The following RGS7 variants were observed in gnomAD, a reference collection of about 807,000 sequenced individuals.
RGS7 encodes the protein regulator of G-protein signaling 7.
In RGS7, 27 loss-of-function variants were observed where a neutral mutation model predicts 81.1. The observed-to-expected ratio is 0.33, with a 90% CI of 0.25 to 0.46. The LOEUF (loss-of-function observed/expected upper bound fraction) is 0.46, where lower values mean the gene tolerates loss of function less well. RGS7 is among the 20% of genes least tolerant of loss of function. RGS7 has a pLI of 1.00. For synonymous variants in RGS7, 208 were observed against 207.7 expected, an observed-to-expected ratio of 1.00 and a Z score of -0.01; for missense variants, 396 against 607.4, an observed-to-expected ratio of 0.65 and a Z score of 3.66.
intron 2 of RGS7, among the ~76,000 whole-genome samples, chr1:241,100,170 TC>T (rs2064615583): frequency 6.7e-6 from 1 of 149,274 alleles, no homozygotes; most frequent in Non-Finnish European, 1.5e-5. Flanking sequence ...GGTCAGGAGA[TC>T]GAGACCATCC....
chr1:240,882,948 G>A (rs1318486178), intron 6 of RGS7, among the ~76,000 whole-genome samples: 1 of 152,068 alleles, frequency 6.6e-6, no homozygotes, highest in East Asian at 1.9e-4. Flanking sequence ...GTGTCCATGT[G>A]CTCTCATTGT....
At chr1:241,166,643 A>G (rs536402720) in intron 2 of RGS7, among the ~76,000 whole-genome samples, 67 of 152,344 alleles carry the variant, frequency 4.4e-4, no homozygotes, top group African/African-American at 1.5e-3. Context: ...AGTTTTTGAA[A>G]GACTGTACTA....
At chr1:241,109,169 C>A (rs2065337435) in intron 2 of RGS7, among the ~76,000 whole-genome samples, 1 of 152,166 alleles carries the variant, frequency 6.6e-6, no homozygotes, top group Non-Finnish European at 1.5e-5. Context: ...AACTGTCATT[C>A]TAGCGTTATA....
At chr1:241,230,356 G>A (rs1157643453) in intron 2 of RGS7, among the ~76,000 whole-genome samples, 1 of 152,084 alleles carries the variant, frequency 6.6e-6, no homozygotes, top group Non-Finnish European at 1.5e-5. Context: ...TGGGACTACA[G>A]GTGTGTGCCA....
At chr1:241,340,889 C>A (rs1167401435) in intron 2 of RGS7, among the ~76,000 whole-genome samples, 1 of 152,074 alleles carries the variant, frequency 6.6e-6, no homozygotes. Flanking sequence ...AGGAGTTACA[C>A]ACAAAGAAAA....
chr1:241,215,133 A>T (rs1399483177), intron 2 of RGS7, among the ~76,000 whole-genome samples: 1 of 152,220 alleles, frequency 6.6e-6, no homozygotes, highest in Non-Finnish European at 1.5e-5. Flanking sequence ...TTTAGAATCC[A>T]TTATCTCTCT....
intron 2 of RGS7, among the ~76,000 whole-genome samples, chr1:241,289,114 C>T (rs1255504652): frequency 6.6e-6 from 1 of 152,196 alleles, no homozygotes; most frequent in Non-Finnish European, 1.5e-5. Flanking sequence ...GTAAGGAATG[C>T]TCTTCTTGGA....
At chr1:241,295,438 G>T (rs548369081) in intron 2 of RGS7, among the ~76,000 whole-genome samples, 72 of 150,666 alleles carry the variant, frequency 4.8e-4, no homozygotes, top group South Asian at 1.5e-3. Flanking sequence ...GGGTGACAGA[G>T]CAAGACTCTG....
intron 3 of RGS7, among the ~76,000 whole-genome samples, chr1:241,064,045 T>C (rs1328770183): frequency 2.0e-5 from 3 of 151,856 alleles, no homozygotes; most frequent in Admixed American, 2.0e-4. Flanking sequence ...TAGCCGGGCA[T>C]GGTGGCACAT....
intron 3 of RGS7, among the ~76,000 whole-genome samples, chr1:241,022,759 C>T (rs534470425): frequency 2.6e-3 from 398 of 152,274 alleles, no homozygotes; most frequent in African/African-American, 8.9e-3. Flanking sequence ...AGCATCGTGA[C>T]ACTTAAGCTC....
chr1:240,793,611 A>ATATATATATATATATATATATTT, intron 18 of RGS7, among the ~76,000 whole-genome samples: 61 of 78,722 alleles, frequency 7.7e-4, no homozygotes, highest in African/African-American at 9.7e-4. Flanking sequence ...ATATATATAT[A>ATATATATATATATATATATATTT]TTTTTTTTTT....
intron 3 of RGS7, among the ~76,000 whole-genome samples, chr1:241,088,005 C>G (rs889957502): frequency 6.2e-5 from 6 of 96,426 alleles, no homozygotes; most frequent in Non-Finnish European, 1.0e-4. Context: ...TACACACACA[C>G]ACATATATAT....
At chr1:241,270,874 T>A (rs1001273117) in intron 2 of RGS7, among the ~76,000 whole-genome samples, 1 of 151,354 alleles carries the variant, frequency 6.6e-6, no homozygotes, top group African/African-American at 2.4e-5. Context: ...TTCTCCTGCC[T>A]CAGCCTCCCC....
At chr1:241,147,472 A>G (rs1010126818) in intron 2 of RGS7, among the ~76,000 whole-genome samples, 2 of 152,104 alleles carry the variant, frequency 1.3e-5, no homozygotes, top group Admixed American at 6.5e-5. Flanking sequence ...TACTTGCTAT[A>G]TGACCTTGGG....
intron 3 of RGS7, among the ~76,000 whole-genome samples, chr1:241,061,340 T>C (rs146137265): frequency 7.2e-5 from 11 of 152,332 alleles, no homozygotes; most frequent in African/African-American, 2.6e-4. Context: ...AGTAAACTCA[T>C]ATTTAGGATA....
chr1:241,212,050 A>AT (rs2074272148), intron 2 of RGS7, among the ~76,000 whole-genome samples: 1 of 151,662 alleles, frequency 6.6e-6, no homozygotes, highest in East Asian at 1.9e-4. Context: ...TTATTATTCA[A>AT]TTATTATATG....
At chr1:241,104,702 G>A (rs1457152230) in intron 2 of RGS7, among the ~76,000 whole-genome samples, 2 of 152,180 alleles carry the variant, frequency 1.3e-5, no homozygotes, top group African/African-American at 4.8e-5. Context: ...AAGTAATTTT[G>A]AGAATATGTA....
chr1:241,065,180 A>T (rs1392889762), intron 3 of RGS7, among the ~76,000 whole-genome samples: 1 of 146,738 alleles, frequency 6.8e-6, no homozygotes, highest in African/African-American at 2.6e-5. Context: ...TAATGATAAG[A>T]TAATCAGATT....
chr1:240,955,928 A>G (rs1442765940), intron 4 of RGS7, among the ~76,000 whole-genome samples: 1 of 39,756 alleles, frequency 2.5e-5, no homozygotes, highest in Non-Finnish European at 6.7e-5. Flanking sequence ...ACCTACTAGA[A>G]GAAAACATAG....
Sources: allele counts gnomAD v4.1 joint callset (sites outside exome capture counted in the v4.1 genomes callset), GRCh38; gene constraint gnomAD v4.1.1; transcripts MANE v1.5; gene names NCBI Gene and HGNC (gene_info 2026-07-23, HGNC 2026-07-21).